Variants in CCBE1 observed in about 807,000 individuals in gnomAD.
CCBE1 encodes collagen and calcium binding EGF domains 1, also known as collagen and calcium-binding EGF domain-containing protein 1.
A neutral mutation model predicts 50.0 loss-of-function variants in CCBE1; 37 were observed. The ratio of observed to expected loss-of-function variants is 0.74; its 90% CI spans 0.57 to 0.97. CCBE1 has a LOEUF of 0.97. Ranked by LOEUF, CCBE1 falls within the 50% of genes least tolerant of loss-of-function variation. The pLI is 0.00. For missense variants in CCBE1, 538 were observed against 523.8 expected, an observed-to-expected ratio of 1.03 and a Z score of -0.26; for synonymous variants, 234 against 203.7, an observed-to-expected ratio of 1.15 and a Z score of -1.27.
At chr18:59,439,635 T>C (rs993630787) in intron 8 of CCBE1, 42 bp downstream of exon 8, 3 of 1,614,166 alleles carry the variant, frequency 1.9e-6, no homozygotes, top group Non-Finnish European at 2.5e-6. Context: ...CAAAAACACA[T>C]TTTCCCCCAA....
chr18:59,697,088 C>T, intron 1 of CCBE1, 124 bp downstream of exon 1: 1 of 1,324,766 alleles, frequency 7.5e-7, no homozygotes, highest in Non-Finnish European at 1.0e-6. Context: ...CTCTCCTTAT[C>T]CCCGGAGAAG....
intron 2 of CCBE1, among the ~76,000 whole-genome samples, chr18:59,571,079 G>C (rs941509146): frequency 1.3e-5 from 2 of 152,174 alleles, no homozygotes; most frequent in African/African-American, 2.4e-5. Context: ...CAGTCCCTAG[G>C]AGTGAAATGT....
At chr18:59,463,755 C>T (rs1203285015) in intron 5 of CCBE1, among the ~76,000 whole-genome samples, 1 of 152,142 alleles carries the variant, frequency 6.6e-6, no homozygotes, top group Non-Finnish European at 1.5e-5. Context: ...TGCTGGGGTT[C>T]CCGGTGATTA....
intron 2 of CCBE1, among the ~76,000 whole-genome samples, chr18:59,691,180 A>G (rs2054725858): frequency 6.6e-6 from 1 of 152,222 alleles, no homozygotes; most frequent in Non-Finnish European, 1.5e-5. Context: ...TTCAGCAAAT[A>G]TGTATTGAAC....
intron 2 of CCBE1, among the ~76,000 whole-genome samples, chr18:59,585,634 A>G (rs189614688): frequency 3.4e-4 from 52 of 152,316 alleles, no homozygotes; most frequent in African/African-American, 1.2e-3. Context: ...CAGCAAAACA[A>G]CTTTTTAGCC....
At chr18:59,524,865 T>C (rs927233074) in intron 2 of CCBE1, among the ~76,000 whole-genome samples, 5 of 152,206 alleles carry the variant, frequency 3.3e-5, no homozygotes, top group East Asian at 3.8e-4. Flanking sequence ...TCTGTTCCTG[T>C]GTTAGTTTGC....
chr18:59,543,420 G>A (rs1439853466), intron 2 of CCBE1, among the ~76,000 whole-genome samples: 1 of 152,160 alleles, frequency 6.6e-6, no homozygotes, highest in Admixed American at 6.5e-5. Flanking sequence ...TAATATTTAG[G>A]ATTAAAAAGA....
rs144543560 is a variant in CCBE1 at position 59,475,449 on chromosome 18, T to C, written c.265+4737A>G. On this transcript the variant is annotated intron_variant, in intron 3 of 10. Coordinates refer to ENST00000439986, the MANE Select transcript of CCBE1 (RefSeq NM_133459.4). ...TTGAGACTTATCTGTAAGTTCCTTA[T>C]ACTGCAGCAAAACTAACTTCTCTTT... Among the ~76,000 whole-genome samples, 611 of 152,352 alleles carry C rather than the reference T, an allele frequency of 4.0e-3. 5 individuals are homozygous for C. The highest frequency in any genetic ancestry group is 0.014 in the African/African-American group (583 of 41,584).
chr18:59,497,834 A>G (rs2143826807), intron 2 of CCBE1, among the ~76,000 whole-genome samples: 1 of 152,316 alleles, frequency 6.6e-6, no homozygotes, highest in South Asian at 2.1e-4. Flanking sequence ...CCTCCAGGTT[A>G]AAAAGACAGA....
intron 2 of CCBE1, among the ~76,000 whole-genome samples, chr18:59,666,723 T>C (rs1447588054): frequency 1.3e-5 from 2 of 152,008 alleles, no homozygotes; most frequent in South Asian, 2.1e-4. Context: ...TCCCAGAACG[T>C]TGGGAGGCCG....
intron 2 of CCBE1, among the ~76,000 whole-genome samples, chr18:59,636,804 C>G (rs978488446): frequency 3.9e-5 from 6 of 152,154 alleles, no homozygotes; most frequent in African/African-American, 1.4e-4. Context: ...TACAACTAAA[C>G]AGATACTGAC....
At chr18:59,459,984 C>T (rs149321303) in intron 5 of CCBE1, among the ~76,000 whole-genome samples, 2 of 152,246 alleles carry the variant, frequency 1.3e-5, no homozygotes, top group African/African-American at 2.4e-5. Flanking sequence ...GTCACGGTCA[C>T]GTTATCAGAA....
intron 2 of CCBE1, among the ~76,000 whole-genome samples, chr18:59,622,069 A>C (rs1007400497): frequency 7.9e-5 from 12 of 152,174 alleles, no homozygotes; most frequent in Non-Finnish European, 1.6e-4. Flanking sequence ...TGAATAATTC[A>C]AAGTCCACCT....
At chr18:59,638,857 T>C (rs1352373999) in intron 2 of CCBE1, among the ~76,000 whole-genome samples, 1 of 152,132 alleles carries the variant, frequency 6.6e-6, no homozygotes, top group Non-Finnish European at 1.5e-5. Flanking sequence ...ACAGAAAAAT[T>C]AGAACATTTC....
chr18:59,529,521 T>C (rs1202106640), intron 2 of CCBE1, among the ~76,000 whole-genome samples: 1 of 152,212 alleles, frequency 6.6e-6, no homozygotes, highest in Non-Finnish European at 1.5e-5. Flanking sequence ...ATCCACAGGT[T>C]GCACAGATCT....
At chr18:59,491,428 A>G (rs765637653) in intron 2 of CCBE1, among the ~76,000 whole-genome samples, 8 of 151,988 alleles carry the variant, frequency 5.3e-5, no homozygotes, top group Non-Finnish European at 1.0e-4. Flanking sequence ...AATTGCCTTC[A>G]TTTTTCTTGC....
Position 59,569,128 on chromosome 18 carries a change from A to C in CCBE1, c.213-88890T>G, listed in dbSNP as rs143307961. The stretch of plus-strand genomic sequence containing the variant: ...CTTTTATTCAAACAATTCTCCTCAC[A>C]TGAGTGGCTACCCAGCAAGTCTGGC... On this transcript the variant is annotated intron_variant, in intron 2 of 10. Coordinates refer to ENST00000439986, the MANE Select transcript of CCBE1 (RefSeq NM_133459.4). 2.0e-3 allele frequency among the ~76,000 whole-genome samples: 298 copies of C among 152,252 alleles called. 4 individuals carry two copies. The East Asian group carries it at 0.03, about 15-fold the overall frequency.
intron 2 of CCBE1, among the ~76,000 whole-genome samples, chr18:59,639,445 C>A (rs936890135): frequency 1.3e-5 from 2 of 152,136 alleles, no homozygotes; most frequent in East Asian, 3.8e-4. Context: ...AAACTCAATG[C>A]CCCTTCATGT....
chr18:59,548,834 A>G (rs1414041062), intron 2 of CCBE1, among the ~76,000 whole-genome samples: 1 of 152,172 alleles, frequency 6.6e-6, no homozygotes, highest in Non-Finnish European at 1.5e-5. Context: ...ACTGTATGCA[A>G]TTGTAACACA....
Sources: allele counts gnomAD v4.1 joint callset (sites outside exome capture counted in the v4.1 genomes callset), GRCh38; gene constraint gnomAD v4.1.1; transcripts MANE v1.5; gene names NCBI Gene and HGNC (gene_info 2026-07-23, HGNC 2026-07-21).